RGS7: variants seen among roughly 807,000 people sequenced by gnomAD.
RGS7 encodes the protein regulator of G protein signaling 7, also known as regulator of G-protein signaling 7.
Under a neutral mutation model 81.1 loss-of-function variants are expected in RGS7, and 27 were observed. The observed-to-expected ratio is 0.33, with a 90% CI of 0.25 to 0.46. The LOEUF is 0.46. RGS7 is among the 20% of genes least tolerant of loss of function. The pLI is 1.00. For synonymous variants in RGS7, 208 were observed against 207.7 expected, an observed-to-expected ratio of 1.00 and a Z score of -0.01; for missense variants, 396 against 607.4, an observed-to-expected ratio of 0.65 and a Z score of 3.66.
chr1:241,303,300 G>T (rs1206301502), intron 2 of RGS7, among the ~76,000 whole-genome samples: 1 of 152,112 alleles, frequency 6.6e-6, no homozygotes, highest in Non-Finnish European at 1.5e-5. Flanking sequence ...ACCTCCCACT[G>T]CTCTCTCTTC....
At chr1:240,961,350 T>A (rs1384744132) in intron 4 of RGS7, among the ~76,000 whole-genome samples, 9 of 152,026 alleles carry the variant, frequency 5.9e-5, no homozygotes, top group Non-Finnish European at 1.3e-4. Context: ...TAATCCAAAG[T>A]GATGTCATGC....
At chr1:241,347,916 T>A (rs1028727064) in intron 2 of RGS7, among the ~76,000 whole-genome samples, 1 of 152,182 alleles carries the variant, frequency 6.6e-6, no homozygotes, top group African/African-American at 2.4e-5. Context: ...AAAAATAATT[T>A]GTTGAACTCT....
At chr1:241,338,651 A>G (rs1335245675) in intron 2 of RGS7, among the ~76,000 whole-genome samples, 3 of 151,680 alleles carry the variant, frequency 2.0e-5, no homozygotes, top group Non-Finnish European at 4.4e-5. Flanking sequence ...TGGCAATTTT[A>G]AAAACTTGAA....
At position 240,942,039 on chromosome 1, in the gene RGS7, G is replaced by T. The variant is rs113114741; in HGVS notation, c.227-5333C>A. Among the ~76,000 whole-genome samples, 893 of 152,112 alleles carry T rather than the reference G, an allele frequency of 5.9e-3. 13 individuals carry two copies. The highest frequency in any genetic ancestry group is 0.02 in the African/African-American group (843 of 41,492). On this transcript the variant is annotated intron_variant, in intron 4 of 18. Transcript: ENST00000440928. ...GATATTCAAGCCATGAGCAAGCTGA[G>T]AAACAAAAATCAATCTCCAAACACC...
intron 9 of RGS7, among the ~76,000 whole-genome samples, chr1:240,854,436 C>T (rs1417589881): frequency 6.6e-6 from 1 of 152,152 alleles, no homozygotes; most frequent in Non-Finnish European, 1.5e-5. Context: ...ATGATGCTCT[C>T]AAATTTCAAT....
intron 2 of RGS7, among the ~76,000 whole-genome samples, chr1:241,129,949 A>C (rs754029202): frequency 4.6e-5 from 7 of 152,048 alleles, no homozygotes; most frequent in Admixed American, 6.5e-5. Flanking sequence ...ATTACTTCAA[A>C]TTAAAGATGT....
intron 12 of RGS7, 60 bp downstream of exon 12, chr1:240,814,656 A>G (rs1335700145): frequency 6.0e-6 from 6 of 1,007,294 alleles, no homozygotes; most frequent in Admixed American, 3.4e-5. Flanking sequence ...TTTCATTTTT[A>G]AACACATGTA....
At chr1:240,849,052 C>A (rs1334195097) in intron 9 of RGS7, among the ~76,000 whole-genome samples, 2 of 152,180 alleles carry the variant, frequency 1.3e-5, no homozygotes, top group African/African-American at 2.4e-5. Context: ...TTTCCTAGTA[C>A]AGGCCTCGCT....
chr1:240,815,608 T>C, intron 11 of RGS7, among the ~76,000 whole-genome samples: 1 of 152,154 alleles, frequency 6.6e-6, no homozygotes, highest in East Asian at 1.9e-4. Context: ...TTTTCCTTCC[T>C]GATTATTGTA....
rs1237180334 is a variant in RGS7 at position 241,327,123 on chromosome 1, AAAG to A, written c.78+28573_78+28575del. Among the ~76,000 whole-genome samples the A allele has an allele frequency of 6.9e-4, 80 of 115,194 alleles. 3 individuals carry two copies. Among genetic ancestry groups the A allele is most frequent in the Non-Finnish European group, 1.1e-3 (54 of 50,990 alleles). The allele number at this position is 115,194 out of a possible 152,430, so 75.6% of individuals were successfully genotyped here. ...GAAAGAAAGAAAGAAAGAAAGAAAG[AAAG>A]AAAGAAAGAAAGAAAGAAAGGAAAG... On this transcript the variant is annotated intron_variant, in intron 2 of 18. Transcript: ENST00000440928.
chr1:240,814,594 A>G lies in RGS7; in HGVS notation c.845+122T>C, dbSNP rs1003012247. ...TGTGCAAAAAGGAAAACAAAATCACATTACTTACAGGATTCCAATTATCTG... is the reference window on the plus strand; with the variant it reads ...TGTGCAAAAAGGAAAACAAAATCACGTTACTTACAGGATTCCAATTATCTG... On this transcript the variant is annotated intron_variant, in intron 12 of 18. Transcript: ENST00000440928. 8 of 685,802 alleles carry G rather than the reference A, an allele frequency of 1.2e-5. No individual in the cohort carries two copies. In the African/African-American group the frequency reaches 1.3e-4, roughly 11 times the overall value. 42.5% of individuals were successfully genotyped at this position (685,802 alleles called of 1,614,324 possible).
intron 9 of RGS7, among the ~76,000 whole-genome samples, chr1:240,842,454 A>G (rs1658240534): frequency 6.6e-6 from 1 of 151,860 alleles, no homozygotes; most frequent in South Asian, 2.1e-4. Context: ...GGCCTCCCAA[A>G]GTGCTGGGAT....
intron 2 of RGS7, among the ~76,000 whole-genome samples, chr1:241,185,609 A>G (rs1484663867): frequency 6.6e-6 from 1 of 152,152 alleles, no homozygotes; most frequent in Non-Finnish European, 1.5e-5. Context: ...AAACTTTAAC[A>G]AATCATGAAA....
intron 3 of RGS7, among the ~76,000 whole-genome samples, chr1:241,024,556 G>T (rs1311547487): frequency 1.3e-5 from 2 of 151,986 alleles, no homozygotes; most frequent in Non-Finnish European, 2.9e-5. Flanking sequence ...TATTATTAAG[G>T]GCAAGAAAGA....
chr1:241,115,845 C>T (rs1321304029), intron 2 of RGS7, among the ~76,000 whole-genome samples: 3 of 152,070 alleles, frequency 2.0e-5, no homozygotes, highest in Admixed American at 1.3e-4. Context: ...AGATTTGTGT[C>T]CCCACTCAAA....
intron 2 of RGS7, among the ~76,000 whole-genome samples, chr1:241,100,300 A>G (rs894118544): frequency 2.0e-5 from 3 of 147,604 alleles, no homozygotes; most frequent in East Asian, 2.0e-4. Context: ...GAGTGAACCC[A>G]GGAGGCAGAG....
intron 18 of RGS7, among the ~76,000 whole-genome samples, chr1:240,778,277 G>A (rs544982808): frequency 6.0e-4 from 92 of 152,334 alleles, no homozygotes; most frequent in African/African-American, 1.5e-3. Context: ...GTGAACTTGA[G>A]CGGGAAGGGA....
At chr1:241,221,547 G>A (rs1263201074) in intron 2 of RGS7, among the ~76,000 whole-genome samples, 1 of 152,192 alleles carries the variant, frequency 6.6e-6, no homozygotes, top group African/African-American at 2.4e-5. Context: ...ACTTTTATGT[G>A]TCAGCTTGGC....
At chr1:241,183,776 G>A (rs2071844798) in intron 2 of RGS7, among the ~76,000 whole-genome samples, 1 of 152,190 alleles carries the variant, frequency 6.6e-6, no homozygotes, top group Non-Finnish European at 1.5e-5. Context: ...GCACTGTAGG[G>A]CCACATGGGA....
Sources: allele counts gnomAD v4.1 joint callset (sites outside exome capture counted in the v4.1 genomes callset), GRCh38; gene constraint gnomAD v4.1.1; transcripts MANE v1.5; gene names NCBI Gene and HGNC (gene_info 2026-07-23, HGNC 2026-07-21).